Variants in AGO2 observed in about 807,000 individuals in gnomAD.
AGO2 encodes the protein protein argonaute-2.
Under a neutral mutation model 102.3 loss-of-function variants are expected in AGO2, and 5 were observed. The ratio of observed to expected loss-of-function variants is 0.05; its 90% CI spans 0.03 to 0.10. AGO2 has a LOEUF of 0.10. Among genes scored for constraint, AGO2 ranks in the 10% least tolerant of loss-of-function variants. The pLI is 1.00. For synonymous variants in AGO2, 449 were observed against 473.1 expected (o/e 0.95, Z 0.66); for missense variants, 541 against 1,183.7 (o/e 0.46, Z 7.97).
chr8:140,560,929 C>T (rs1199007197), intron 4 of AGO2, among the ~76,000 whole-genome samples: 1 of 152,252 alleles, frequency 6.6e-6, no homozygotes, highest in Admixed American at 6.5e-5. Context: ...CCAGCCAGGC[C>T]CAGCCCCAGC....
intron 16 of AGO2, among the ~76,000 whole-genome samples, chr8:140,537,398 C>A (rs1472235989): frequency 2.6e-5 from 4 of 151,794 alleles, no homozygotes; most frequent in Non-Finnish European, 5.9e-5. Context: ...GCCTCCTGAG[C>A]TCAAGTAAGT....
intron 3 of AGO2, 147 bp from the exon 4 acceptor site, chr8:140,562,781 GAGCAC>G (rs942674486): frequency 6.5e-5 from 52 of 798,336 alleles, no homozygotes; most frequent in Non-Finnish European, 8.6e-5. Flanking sequence ...TGTGGCTATG[GAGCAC>G]TTGAAATATG....
At chr8:140,559,683 C>A (rs1283093103) in intron 5 of AGO2, among the ~76,000 whole-genome samples, 154 bp from the exon 6 acceptor site, 1 of 152,194 alleles carries the variant, frequency 6.6e-6, no homozygotes, top group Non-Finnish European at 1.5e-5. Flanking sequence ...CAGGCCCAGA[C>A]ACGGGCAGGC....
intron 1 of AGO2, among the ~76,000 whole-genome samples, chr8:140,609,560 TC>T (rs2074049049): frequency 6.6e-6 from 1 of 152,204 alleles, no homozygotes; most frequent in Non-Finnish European, 1.5e-5. Context: ...CCCTCAGGAA[TC>T]TGCCATCTCA....
chr8:140,581,013 C>T (rs984948316), intron 2 of AGO2, among the ~76,000 whole-genome samples: 4 of 152,258 alleles, frequency 2.6e-5, no homozygotes, highest in East Asian at 1.9e-4. Context: ...TGTCAGATAA[C>T]GAAGCCTTGG....
chr8:140,603,364 T>C (rs928687357), intron 1 of AGO2, among the ~76,000 whole-genome samples: 1 of 152,202 alleles, frequency 6.6e-6, no homozygotes, highest in African/African-American at 2.4e-5. Flanking sequence ...CAGGTTGTTT[T>C]CTTCTTGTTA....
intron 15 of AGO2, 24 bp downstream of exon 15, chr8:140,541,140 G>T (rs1295282493): frequency 1.4e-5 from 21 of 1,527,108 alleles, no homozygotes; most frequent in Non-Finnish European, 1.8e-5. Flanking sequence ...GAGAAGGGGA[G>T]GGAAGGTTCC....
chr8:140,638,772 A>G (rs1322814509), upstream of AGO2, among the ~76,000 whole-genome samples: 1 of 152,178 alleles, frequency 6.6e-6, no homozygotes, highest in South Asian at 2.1e-4. Flanking sequence ...GACAGGTCTC[A>G]CTGTGTTGCT....
intron 3 of AGO2, 187 bp downstream of exon 3, chr8:140,572,625 C>T (rs577499880): frequency 2.6e-6 from 2 of 764,324 alleles, no homozygotes; most frequent in African/African-American, 1.8e-5. Context: ...AAACCCCCAT[C>T]ACTGAAAGCC....
At chr8:140,596,127 C>T (rs958250356) in intron 1 of AGO2, among the ~76,000 whole-genome samples, 5 of 150,058 alleles carry the variant, frequency 3.3e-5, no homozygotes, top group African/African-American at 9.8e-5. Flanking sequence ...GGGATTACAG[C>T]GTGAGCCACT....
intron 1 of AGO2, among the ~76,000 whole-genome samples, chr8:140,625,147 C>T (rs1308159419): frequency 6.6e-6 from 1 of 152,218 alleles, no homozygotes; most frequent in Admixed American, 6.5e-5. Flanking sequence ...TCCCTGCCCT[C>T]AGCCTGCACC....
At chr8:140,550,787 C>T (rs2072981727) in intron 11 of AGO2, among the ~76,000 whole-genome samples, 1 of 152,000 alleles carries the variant, frequency 6.6e-6, no homozygotes, top group Non-Finnish European at 1.5e-5. Flanking sequence ...GCTAATTTTT[C>T]TATTTTTCGT....
At chr8:140,620,279 G>T (rs2074202441) in intron 1 of AGO2, among the ~76,000 whole-genome samples, 1 of 152,162 alleles carries the variant, frequency 6.6e-6, no homozygotes, top group African/African-American at 2.4e-5. Context: ...CTGTAGGCCG[G>T]GTAAGAGGCC....
chr8:140,608,759 A>G (rs987081447), intron 1 of AGO2, among the ~76,000 whole-genome samples: 1 of 152,244 alleles, frequency 6.6e-6, no homozygotes, highest in Admixed American at 6.5e-5. Flanking sequence ...AGACGAAAGC[A>G]GTGAGGGGTG....
chr8:140,588,823 G>C (rs1407601406), intron 1 of AGO2, among the ~76,000 whole-genome samples: 13 of 152,146 alleles, frequency 8.5e-5, no homozygotes. Context: ...CCATTCCTTA[G>C]AGAGCGAGTT....
rs2072987825 is a variant in AGO2, at chr8:140,551,220, CAG to C, written c.1403+81_1403+82del. 6 of 1,392,738 alleles carry C rather than the reference CAG, an allele frequency of 4.3e-6. No individual in the cohort carries two copies. In the East Asian group the frequency reaches 1.6e-4, roughly 36 times the overall value. 86.3% of individuals were successfully genotyped at this position (1,392,738 alleles called of 1,614,324 possible). On this transcript the variant is annotated intron_variant, in intron 11 of 18. Coordinates refer to ENST00000220592, the MANE Select transcript of AGO2 (RefSeq NM_012154.5). Reference sequence around the variant, plus strand: ...CCAGCACCCTCACCCCCACCCCAACCAGAGTCAGCCCTGCAAGTGGTCACTTG... The same window carrying C: ...CCAGCACCCTCACCCCCACCCCAACCAGTCAGCCCTGCAAGTGGTCACTTG...
At chr8:140,597,425 C>T (rs2073861217) in intron 1 of AGO2, among the ~76,000 whole-genome samples, 2 of 150,212 alleles carry the variant, frequency 1.3e-5, no homozygotes, top group African/African-American at 4.9e-5. Flanking sequence ...TCTCTGACTC[C>T]GTTTCTGGCA....
At chr8:140,609,965 A>G (rs2074054184) in intron 1 of AGO2, among the ~76,000 whole-genome samples, 1 of 149,844 alleles carries the variant, frequency 6.7e-6, no homozygotes, top group South Asian at 2.2e-4. Flanking sequence ...AGCCCAAGGC[A>G]GGATGATGGT....
intron 2 of AGO2, among the ~76,000 whole-genome samples, chr8:140,574,078 A>G (rs956299339): frequency 2.2e-4 from 33 of 152,046 alleles, no homozygotes; most frequent in Non-Finnish European, 4.1e-4. Context: ...TGCTAGATGC[A>G]AGGGAGCTGC....
Sources: allele counts gnomAD v4.1 joint callset (sites outside exome capture counted in the v4.1 genomes callset), GRCh38; gene constraint gnomAD v4.1.1; transcripts MANE v1.5; gene names NCBI Gene and HGNC (gene_info 2026-07-23, HGNC 2026-07-21).